The following GMCL1 variants were observed in gnomAD, a reference collection of about 807,000 sequenced individuals.
GMCL1 encodes the protein germ cell-less 1, spermatogenesis associated, also known as germ cell-less protein-like 1.
GMCL1 carries 54 observed loss-of-function variants against 75.5 expected under a neutral mutation model. The observed-to-expected ratio is 0.71, with a 90% CI of 0.57 to 0.90. The LOEUF (loss-of-function observed/expected upper bound fraction) is 0.90. GMCL1 is among the 40% of genes least tolerant of loss of function. GMCL1 has a pLI of 0.00. For missense variants in GMCL1, 537 were observed against 622.7 expected, an observed-to-expected ratio of 0.86 and a Z score of 1.47; for synonymous variants, 210 against 209.6, an observed-to-expected ratio of 1.00 and a Z score of -0.02.
Position 69,864,892 on chromosome 2 carries a change from AT to A in GMCL1, c.1143-3del. On this transcript the variant is annotated splice_polypyrimidine_tract_variant and splice_region_variant and intron_variant, in intron 10 of 13. Transcript: ENST00000282570. ...CTATGAACGTTCATATTTTATGTAT[AT>A]TTTTAGGCCTCAAGAAATCAATAAA... is the stretch of plus-strand genomic sequence containing the variant. 1 of 1,585,368 alleles carries A rather than the reference AT, an allele frequency of 6.3e-7. No homozygotes were observed. The highest frequency in any genetic ancestry group is 8.7e-7 in the Non-Finnish European group (1 of 1,155,260).
rs116646317 is a variant in GMCL1 at position 69,859,236 on chromosome 2, A to G, written c.1073-2042A>G. Among the ~76,000 whole-genome samples, 983 of 151,768 alleles carry G rather than the reference A, an allele frequency of 6.5e-3. 11 individuals are homozygous for G. The highest frequency in any genetic ancestry group is 0.023 in the African/African-American group (941 of 41,420). ...TGTCTGACTCTTTCATTCCAATTTT[A>G]CAAATGAGTCATGAAATGCCATATG... On this transcript the variant is annotated intron_variant, in intron 9 of 13. Coordinates refer to ENST00000282570, the MANE Select transcript of GMCL1 (RefSeq NM_178439.5).
At chr2:69,865,831 G>A (rs545417627) in intron 11 of GMCL1, among the ~76,000 whole-genome samples, 2 of 151,966 alleles carry the variant, frequency 1.3e-5, no homozygotes, top group East Asian at 1.9e-4. Flanking sequence ...GTGCAGTGGC[G>A]TGACCACAGC....
Position 69,829,685 on chromosome 2 carries a change from A to G in GMCL1, c.-208A>G, listed in dbSNP as rs774117430. 4 of 543,440 alleles carry G rather than the reference A, an allele frequency of 7.4e-6. No homozygotes were observed. Among genetic ancestry groups the G allele is most frequent in the Non-Finnish European group, 9.5e-6 (3 of 317,364 alleles). The allele number at this position is 543,440 out of a possible 1,614,324, so 33.7% of individuals were successfully genotyped here. ...GCTTTGTTGCGAAAGCGAGGGGGCG[A>G]GGTGCTGCGGTGCTAGAGCGCGGCG... On this transcript the variant is annotated 5_prime_UTR_variant, in exon 1 of 14. Coordinates refer to ENST00000282570, the MANE Select transcript of GMCL1 (RefSeq NM_178439.5).
In GMCL1 at chr2:69,854,936, G is replaced by T. The variant is rs763880853; in HGVS notation, c.1048G>T (p.Glu350Ter). Residue 350 changes from glutamate to a stop codon, truncating the protein, a stop_gained, in exon 9 of 14, where the codon GAA (glutamate) becomes TAA (stop). Coordinates refer to ENST00000282570, the MANE Select transcript of GMCL1 (RefSeq NM_178439.5). LOFTEE classifies it high-confidence loss of function. The stretch of plus-strand genomic sequence containing the variant: ...TGATCTGGCTTCTGCAAGAATTATT[G>T]AACAAGATGCTGTAGTACCTTCAGG... ...ISDLASARII[E>*]QDAVVPSEWL... is the part of the protein sequence containing the mutation. The T allele has an allele frequency of 6.2e-7, 1 of 1,607,732 alleles. No homozygotes were observed. Among genetic ancestry groups the T allele is most frequent in the East Asian group, 2.2e-5 (1 of 44,534 alleles).
rs1435648046 is a variant in GMCL1, at chr2:69,865,100, A to G, written c.1218+125A>G. ...AGAGCTTGTTTGATACACTTTCTGT[A>G]GCATGATCTGCTGGGAAAGTAGTTA... is the stretch of plus-strand genomic sequence containing the variant. On this transcript the variant is annotated intron_variant, in intron 11 of 13. Coordinates refer to ENST00000282570, the MANE Select transcript of GMCL1 (RefSeq NM_178439.5). 7.9e-6 allele frequency: 5 copies of G among 631,740 alleles called. No homozygotes were observed. In the African/African-American group the frequency reaches 9.3e-5, roughly 12 times the overall value. The allele number at this position is 631,740 out of a possible 1,614,324, so 39.1% of individuals were successfully genotyped here. A position where few individuals can be genotyped will look rare whatever the true frequency, so the allele number is the denominator to read the frequency against.
chr2:69,870,628 C>G (rs1017353058), intron 12 of GMCL1, among the ~76,000 whole-genome samples: 2 of 151,978 alleles, frequency 1.3e-5, no homozygotes, highest in Admixed American at 6.6e-5. Flanking sequence ...ACATTAATAC[C>G]CAGAATATAT....
rs747464557 is a variant in GMCL1 at position 69,878,896 on chromosome 2, A to C, written c.1453-13A>C. ...TATCTAATTGTCATTGAATCTACAA[A>C]TCTGTCTTATAGGAACAAGTGGTGA... On this transcript the variant is annotated splice_polypyrimidine_tract_variant and intron_variant, in intron 13 of 13. Coordinates refer to ENST00000282570, the MANE Select transcript of GMCL1 (RefSeq NM_178439.5). The C allele has an allele frequency of 6.4e-7, 1 of 1,565,604 alleles. No homozygotes were observed. Among genetic ancestry groups the C allele is most frequent in the Non-Finnish European group, 8.8e-7 (1 of 1,137,548 alleles).
At chr2:69,838,232 G>T (rs1425535134) in intron 2 of GMCL1, among the ~76,000 whole-genome samples, 1 of 150,736 alleles carries the variant, frequency 6.6e-6, no homozygotes, top group African/African-American at 2.4e-5. Flanking sequence ...AGCTACTCAG[G>T]AGGCTGAGGC....
At chr2:69,876,207 T>C (rs1676127486) in intron 13 of GMCL1, among the ~76,000 whole-genome samples, 2 of 152,206 alleles carry the variant, frequency 1.3e-5, no homozygotes, top group Admixed American at 1.3e-4. Flanking sequence ...TATGATTATA[T>C]AGCTATAATT....
At chr2:69,872,659 C>T (rs1676015579) in intron 13 of GMCL1, among the ~76,000 whole-genome samples, 1 of 152,152 alleles carries the variant, frequency 6.6e-6, no homozygotes, top group Non-Finnish European at 1.5e-5. Flanking sequence ...GTCATCCACC[C>T]ATTGTTGAAA....
At chr2:69,855,530 G>A (rs934926175) in intron 9 of GMCL1, among the ~76,000 whole-genome samples, 1 of 152,000 alleles carries the variant, frequency 6.6e-6, no homozygotes, top group Admixed American at 6.6e-5. Context: ...TACATGTAAT[G>A]TTTGTAGTAA....
chr2:69,833,041 A>G (rs993086052), intron 1 of GMCL1, among the ~76,000 whole-genome samples: 1 of 152,176 alleles, frequency 6.6e-6, no homozygotes, highest in African/African-American at 2.4e-5. Flanking sequence ...ATGGTGGAAA[A>G]GTTTGCTCAA....
intron 7 of GMCL1, among the ~76,000 whole-genome samples, chr2:69,849,432 T>C (rs1675246269): frequency 6.6e-6 from 1 of 152,206 alleles, no homozygotes; most frequent in African/African-American, 2.4e-5. Context: ...TCCCAAGTGC[T>C]GGGATTATAG....
intron 1 of GMCL1, among the ~76,000 whole-genome samples, 185 bp downstream of exon 1, chr2:69,830,337 C>T (rs1674636759): frequency 6.6e-6 from 1 of 152,158 alleles, no homozygotes; most frequent in Non-Finnish European, 1.5e-5. Flanking sequence ...TTGGGAGACG[C>T]CAGGTGTTCC....
intron 9 of GMCL1, among the ~76,000 whole-genome samples, chr2:69,858,792 A>T (rs1285961946): frequency 6.6e-6 from 1 of 152,222 alleles, no homozygotes; most frequent in Non-Finnish European, 1.5e-5. Flanking sequence ...TCATGTTTTT[A>T]ACTTGTTCAA....
At chr2:69,877,584 T>C (rs1448059937) in intron 13 of GMCL1, among the ~76,000 whole-genome samples, 1 of 152,206 alleles carries the variant, frequency 6.6e-6, no homozygotes. Flanking sequence ...AACCATGCTT[T>C]GGCATAATTC....
intron 6 of GMCL1, among the ~76,000 whole-genome samples, chr2:69,846,942 A>G (rs990065505): frequency 6.9e-6 from 1 of 144,486 alleles, no homozygotes; most frequent in East Asian, 2.0e-4. Context: ...GATCCTTCCC[A>G]CCCCTTCAGC....
intron 11 of GMCL1, among the ~76,000 whole-genome samples, chr2:69,869,202 T>C (rs1675911717): frequency 6.9e-6 from 1 of 145,830 alleles, no homozygotes; most frequent in Non-Finnish European, 1.5e-5. Context: ...TGAGCCAAGA[T>C]CATGCCATTG....
Position 69,829,693 on chromosome 2 carries a change from C to T in GMCL1, c.-200C>T, listed in dbSNP as rs1367385281. The T allele has an allele frequency of 1.4e-5, 8 of 569,228 alleles. No individual in the cohort carries two copies. In the African/African-American group the frequency reaches 1.6e-4, roughly 11 times the overall value. The allele number at this position is 569,228 out of a possible 1,614,324, so 35.3% of individuals were successfully genotyped here. On this transcript the variant is annotated 5_prime_UTR_variant, in exon 1 of 14. Coordinates refer to ENST00000282570, the MANE Select transcript of GMCL1 (RefSeq NM_178439.5). Reference sequence around the variant, plus strand: ...GCGAAAGCGAGGGGGCGAGGTGCTGCGGTGCTAGAGCGCGGCGCGACCGGA... The same window carrying T: ...GCGAAAGCGAGGGGGCGAGGTGCTGTGGTGCTAGAGCGCGGCGCGACCGGA...
Sources: gnomAD v4.1 joint callset for allele counts (sites outside exome capture counted in the v4.1 genomes callset) on GRCh38, gnomAD v4.1.1 for gene constraint, MANE v1.5 for transcripts, NCBI Gene and HGNC (gene_info 2026-07-23, HGNC 2026-07-21) for gene names.